Variants in MYRIP observed in about 807,000 individuals in gnomAD.
MYRIP encodes rab effector MyRIP.
In MYRIP, 49 loss-of-function variants were observed where a neutral mutation model predicts 98.0. That is an observed-to-expected ratio of 0.50 (90% CI 0.40 to 0.63). MYRIP has a LOEUF of 0.63. MYRIP is among the 30% of genes least tolerant of loss of function. The pLI, the probability that MYRIP is intolerant of heterozygous loss-of-function variation, is 0.00. For synonymous variants in MYRIP, 404 were observed against 409.5 expected (o/e 0.99, Z 0.16); for missense variants, 1,004 against 1,058.2 (o/e 0.95, Z 0.71).
At chr3:40,138,857 A>G (rs1949836433) in intron 3 of MYRIP, among the ~76,000 whole-genome samples, 1 of 152,138 alleles carries the variant, frequency 6.6e-6, no homozygotes, top group African/African-American at 2.4e-5. Context: ...ATTTGACACT[A>G]TGTTGTATAT....
intron 3 of MYRIP, among the ~76,000 whole-genome samples, chr3:40,135,688 G>A (rs760365899): frequency 1.9e-4 from 29 of 152,330 alleles, no homozygotes; most frequent in South Asian, 8.3e-4. Flanking sequence ...TGATCTCTCC[G>A]CAGAAACTCT....
At chr3:40,223,713 G>A (rs1264470213) in intron 11 of MYRIP, among the ~76,000 whole-genome samples, 1 of 152,196 alleles carries the variant, frequency 6.6e-6, no homozygotes. Flanking sequence ...TTGAATCCCT[G>A]CTCATTCCCC....
At chr3:40,033,888 A>G (rs1298962388) in intron 2 of MYRIP, among the ~76,000 whole-genome samples, 1 of 152,150 alleles carries the variant, frequency 6.6e-6, no homozygotes, top group African/African-American at 2.4e-5. Flanking sequence ...AGATCAATGG[A>G]ACACAACAGA....
intron 16 of MYRIP, among the ~76,000 whole-genome samples, chr3:40,254,547 A>AT (rs1166161276): frequency 6.6e-6 from 1 of 152,028 alleles, no homozygotes; most frequent in Non-Finnish European, 1.5e-5. Flanking sequence ...CTATGGTGAA[A>AT]TTTTAACAGA....
Position 40,002,003 on chromosome 3 carries a change from A to G in MYRIP, c.111-42047A>G, listed in dbSNP as rs182581179. 1.8e-4 allele frequency among the ~76,000 whole-genome samples: 28 copies of G among 152,218 alleles called. No individual in the cohort carries two copies. In the Middle Eastern group the frequency reaches 0.02, roughly 111 times the overall value. The stretch of plus-strand genomic sequence containing the variant: ...CAGGTCCTCAGAATTCACACAACAT[A>G]TTGCTGGGGATCACAGCCTTGCACT... On this transcript the variant is annotated intron_variant, in intron 2 of 16. Coordinates refer to ENST00000302541, the MANE Select transcript of MYRIP (RefSeq NM_015460.4).
chr3:39,891,528 A>G (rs1440790210), intron 1 of MYRIP, among the ~76,000 whole-genome samples: 1 of 152,144 alleles, frequency 6.6e-6, no homozygotes, highest in Non-Finnish European at 1.5e-5. Context: ...GTAAACATTG[A>G]TTACACATTC....
In MYRIP at chr3:39,998,472, G is replaced by A. The variant is rs566177205; in HGVS notation, c.111-45578G>A. Among the ~76,000 whole-genome samples, 9 of 152,208 alleles carry A rather than the reference G, an allele frequency of 5.9e-5. No individual in the cohort carries two copies. The South Asian group carries it at 1.0e-3, about 18-fold the overall frequency. ...AATACCTAGGAATCCAACTAACAAC[G>A]GACGTGAAGGACCTCTTCAAGGAGA... On this transcript the variant is annotated intron_variant, in intron 2 of 16. Coordinates refer to ENST00000302541, the MANE Select transcript of MYRIP (RefSeq NM_015460.4).
At chr3:39,833,519 G>A (rs67571852) in intron 1 of MYRIP, among the ~76,000 whole-genome samples, 25 of 151,906 alleles carry the variant, frequency 1.6e-4, no homozygotes, top group Admixed American at 3.9e-4. Flanking sequence ...AGGTAAACTC[G>A]TTAGGGGTTG....
intron 2 of MYRIP, among the ~76,000 whole-genome samples, chr3:39,941,509 G>GTA (rs149437945): frequency 2.1e-4 from 31 of 150,478 alleles, no homozygotes; most frequent in East Asian, 1.2e-3. Context: ...GTGTGTGTGT[G>GTA]TATATATATA....
chr3:39,887,129 C>T (rs1258454398), intron 1 of MYRIP, among the ~76,000 whole-genome samples: 2 of 152,068 alleles, frequency 1.3e-5, no homozygotes, highest in African/African-American at 4.8e-5. Flanking sequence ...TAAAGATGTT[C>T]TTTGAAACCA....
rs77263516 is a variant in MYRIP, at chr3:39,913,794, C to T, written c.110+12868C>T. On this transcript the variant is annotated intron_variant, in intron 2 of 16. Coordinates refer to ENST00000302541, the MANE Select transcript of MYRIP (RefSeq NM_015460.4). ...GTGACTAAAAAATGGCCACCTTGCACGAGGACAATAACTGCTACTGCTCTA... is the reference window on the plus strand; with the variant it reads ...GTGACTAAAAAATGGCCACCTTGCATGAGGACAATAACTGCTACTGCTCTA... Among the ~76,000 whole-genome samples, 64 of 152,258 alleles carry T rather than the reference C, an allele frequency of 4.2e-4. No individual in the cohort carries two copies. The East Asian group carries it at 9.5e-3, about 22-fold the overall frequency.
At chr3:39,821,972 A>AT (rs60774026) in intron 1 of MYRIP, among the ~76,000 whole-genome samples, 12,801 of 152,108 alleles carry the variant, frequency 0.084, 602 homozygotes, top group African/African-American at 0.13. Flanking sequence ...TTTTTAACTG[A>AT]TTTTTTGCAG....
chr3:40,017,064 G>A (rs1946879343), intron 2 of MYRIP, among the ~76,000 whole-genome samples: 1 of 152,172 alleles, frequency 6.6e-6, no homozygotes. Context: ...TCTGACCTCT[G>A]TCTTTTTGAA....
Position 40,026,301 on chromosome 3 carries a change from G to A in MYRIP, c.111-17749G>A, listed in dbSNP as rs549572250. Among the ~76,000 whole-genome samples, 14 of 152,250 alleles carry A rather than the reference G, an allele frequency of 9.2e-5. No individual in the cohort carries two copies. In the South Asian group the frequency reaches 1.0e-3, roughly 11 times the overall value. On this transcript the variant is annotated intron_variant, in intron 2 of 16. Coordinates refer to ENST00000302541, the MANE Select transcript of MYRIP (RefSeq NM_015460.4). ...GTCCGACCCCGCAGGCAGTCAGACC[G>A]TATGGTTGTCTCCCTTGTTCCCTAA...
chr3:39,959,364 T>A (rs1413235464), intron 2 of MYRIP, among the ~76,000 whole-genome samples: 2 of 152,122 alleles, frequency 1.3e-5, no homozygotes, highest in Non-Finnish European at 2.9e-5. Flanking sequence ...TGAGTTCATG[T>A]CCTTTGTAGG....
At chr3:39,842,328 C>T (rs1293244750) in intron 1 of MYRIP, among the ~76,000 whole-genome samples, 1 of 152,116 alleles carries the variant, frequency 6.6e-6, no homozygotes, top group Non-Finnish European at 1.5e-5. Context: ...CTCCAGTGTC[C>T]CTGGTCGACT....
intron 3 of MYRIP, among the ~76,000 whole-genome samples, chr3:40,078,160 G>A (rs1948393482): frequency 1.3e-5 from 2 of 152,242 alleles, no homozygotes; most frequent in South Asian, 2.1e-4. Context: ...CTCCGCAGCC[G>A]CTGGCCCGGG....
intron 1 of MYRIP, among the ~76,000 whole-genome samples, chr3:39,815,019 C>T (rs912350327): frequency 6.6e-6 from 1 of 152,180 alleles, no homozygotes; most frequent in African/African-American, 2.4e-5. Flanking sequence ...GTATAAGTCA[C>T]ATACTATACA....
intron 2 of MYRIP, among the ~76,000 whole-genome samples, chr3:40,027,192 ATCTGGTTTGCCCTC>A (rs147579704): frequency 0.012 from 1,831 of 152,080 alleles, 26 homozygotes; most frequent in African/African-American, 0.042. Flanking sequence ...ACAAGCCAGA[ATCTGGTTTGCCCTC>A]TCTCCTGGCC....
Sources: allele counts gnomAD v4.1 joint callset (sites outside exome capture counted in the v4.1 genomes callset), GRCh38; gene constraint gnomAD v4.1.1; transcripts MANE v1.5; gene names NCBI Gene and HGNC (gene_info 2026-07-23, HGNC 2026-07-21).